ADGRA3: variants seen among roughly 807,000 people sequenced by gnomAD.
The protein encoded by ADGRA3 is adhesion G protein-coupled receptor A3.
In ADGRA3, 56 loss-of-function variants were observed where a neutral mutation model predicts 119.8. The ratio of observed to expected loss-of-function variants is 0.47; its 90% CI spans 0.38 to 0.58. The LOEUF (loss-of-function observed/expected upper bound fraction) is 0.58, where lower values mean the gene tolerates loss of function less well. Ranked by LOEUF, ADGRA3 falls within the 20% of genes least tolerant of loss-of-function variation. ADGRA3 has a pLI of 0.00. For missense variants in ADGRA3, 1,516 were observed against 1,649.0 expected (o/e 0.92, Z 1.40); for synonymous variants, 607 against 623.8 (o/e 0.97, Z 0.40).
At chr4:22,503,707 CTG>C (rs1719134080) in intron 1 of ADGRA3, among the ~76,000 whole-genome samples, 1 of 152,104 alleles carries the variant, frequency 6.6e-6, no homozygotes, top group African/African-American at 2.4e-5. Context: ...TGTATTCTAA[CTG>C]AGAAATGTCC....
chr4:22,411,359 G>A (rs114426715), intron 14 of ADGRA3, among the ~76,000 whole-genome samples: 5,599 of 152,186 alleles, frequency 0.037, 284 homozygotes, highest in African/African-American at 0.11. Context: ...AGCACTTTCC[G>A]AGCTTGAGGC....
At position 22,421,007 on chromosome 4, in the gene ADGRA3, A is replaced by G. The variant is rs1371776203; in HGVS notation, c.1688T>C (p.Val563Ala). 2.5e-6 allele frequency: 4 copies of G among 1,614,110 alleles called. No individual in the cohort carries two copies. Among genetic ancestry groups the G allele is most frequent in the East Asian group, 2.2e-5 (1 of 44,874 alleles). ...TGMTCTVFQK[V>A]AASDRTGLSD... The stretch of plus-strand genomic sequence containing the variant: ...AAGTCCTGTACGATCAGAGGCTGCC[A>G]CTTTCTGGAACACGGTACAGGTCAT... The change falls in exon 12 of 19, where the codon GTG becomes GCG. Residue 563 changes from valine to alanine, a missense_variant. This residue lies in a region of ADGRA3 where 1,088 missense variants were observed against 1,107.1 expected (regional missense o/e 0.98). Coordinates refer to ENST00000334304, the MANE Select transcript of ADGRA3 (RefSeq NM_145290.4).
intron 11 of ADGRA3, among the ~76,000 whole-genome samples, chr4:22,423,108 C>T (rs964065959): frequency 6.6e-6 from 1 of 151,930 alleles, no homozygotes; most frequent in Non-Finnish European, 1.5e-5. Context: ...AGGCATGATA[C>T]TGCTTGAACA....
intron 1 of ADGRA3, among the ~76,000 whole-genome samples, chr4:22,486,301 T>C (rs1718431305): frequency 6.6e-6 from 1 of 152,170 alleles, no homozygotes; most frequent in African/African-American, 2.4e-5. Flanking sequence ...AAAGGGGTCA[T>C]TTCCTAAAAG....
chr4:22,499,907 C>A (rs1189167561), intron 1 of ADGRA3, among the ~76,000 whole-genome samples: 4 of 152,174 alleles, frequency 2.6e-5, no homozygotes, highest in Non-Finnish European at 4.4e-5. Context: ...TTCTAAATGT[C>A]TGGGACCAAA....
intron 1 of ADGRA3, among the ~76,000 whole-genome samples, chr4:22,497,695 C>T (rs1718887245): frequency 7.0e-6 from 1 of 142,188 alleles, no homozygotes; most frequent in Non-Finnish European, 1.5e-5. Flanking sequence ...TGGTGGCGGG[C>T]GCCTATAATC....
At chr4:22,406,462 T>C (rs1395706657) in intron 14 of ADGRA3, among the ~76,000 whole-genome samples, 1 of 152,182 alleles carries the variant, frequency 6.6e-6, no homozygotes, top group African/African-American at 2.4e-5. Flanking sequence ...AGTTCTCTTC[T>C]CCACATTCTG....
At chr4:22,514,164 G>A (rs1326585973) in intron 1 of ADGRA3, among the ~76,000 whole-genome samples, 2 of 152,094 alleles carry the variant, frequency 1.3e-5, no homozygotes, top group Non-Finnish European at 2.9e-5. Flanking sequence ...TTTTTGCAGA[G>A]TAACAAAGAA....
chr4:22,415,994 AG>A (rs1715415955), intron 12 of ADGRA3, among the ~76,000 whole-genome samples: 1 of 152,196 alleles, frequency 6.6e-6, no homozygotes, highest in African/African-American at 2.4e-5. Flanking sequence ...CCTGAGATAT[AG>A]AGAGTGGCCT....
chr4:22,445,764 A>T (rs2109078464), intron 5 of ADGRA3, among the ~76,000 whole-genome samples: 1 of 152,342 alleles, frequency 6.6e-6, no homozygotes, highest in Non-Finnish European at 1.5e-5. Flanking sequence ...AAAAGCATAC[A>T]AATAAGAATA....
intron 16 of ADGRA3, among the ~76,000 whole-genome samples, chr4:22,400,551 AG>A (rs1329013925): frequency 1.3e-5 from 2 of 152,154 alleles, no homozygotes; most frequent in Non-Finnish European, 2.9e-5. Context: ...AGAAGAAAAA[AG>A]GGGTCGTTGT....
intron 17 of ADGRA3, among the ~76,000 whole-genome samples, chr4:22,390,970 C>A (rs560922390): frequency 2.0e-5 from 3 of 152,058 alleles, no homozygotes; most frequent in African/African-American, 7.2e-5. Context: ...TCTGGGGCCA[C>A]GGAGCACCCC....
At chr4:22,495,520 AG>A (rs1718785739) in intron 1 of ADGRA3, among the ~76,000 whole-genome samples, 1 of 152,102 alleles carries the variant, frequency 6.6e-6, no homozygotes, top group Non-Finnish European at 1.5e-5. Flanking sequence ...TAGACAAAAA[AG>A]GAAAACAAAC....
intron 1 of ADGRA3, among the ~76,000 whole-genome samples, chr4:22,492,376 A>C (rs189059992): frequency 7.4e-4 from 112 of 152,306 alleles, no homozygotes; most frequent in Admixed American, 1.6e-3. Context: ...ACTGTAACTC[A>C]CCGTTTTCCT....
At chr4:22,464,947 C>A (rs1042508423) in intron 2 of ADGRA3, among the ~76,000 whole-genome samples, 33 of 152,248 alleles carry the variant, frequency 2.2e-4, no homozygotes, top group African/African-American at 7.9e-4. Context: ...GAAAGCTCAC[C>A]TGGGGACCTG....
At chr4:22,474,509 A>G (rs1015574433) in intron 1 of ADGRA3, among the ~76,000 whole-genome samples, 4 of 152,138 alleles carry the variant, frequency 2.6e-5, no homozygotes, top group Admixed American at 2.6e-4. Flanking sequence ...CTGAGAAGAG[A>G]CTTCATATTA....
At chr4:22,479,241 A>G (rs1718163291) in intron 1 of ADGRA3, among the ~76,000 whole-genome samples, 1 of 152,156 alleles carries the variant, frequency 6.6e-6, no homozygotes, top group Admixed American at 6.5e-5. Flanking sequence ...AGGCGGGCGG[A>G]TCATGAGGTC....
At chr4:22,497,823 T>A (rs970939554) in intron 1 of ADGRA3, among the ~76,000 whole-genome samples, 1 of 142,446 alleles carries the variant, frequency 7.0e-6, no homozygotes, top group Admixed American at 7.0e-5. Flanking sequence ...CTCATGCCTA[T>A]AATCCCAGCG....
chr4:22,455,093 A>T (rs1024191753), intron 3 of ADGRA3, among the ~76,000 whole-genome samples, 156 bp from the exon 4 acceptor site: 3 of 152,222 alleles, frequency 2.0e-5, no homozygotes, highest in African/African-American at 4.8e-5. Context: ...TAAGGATAGC[A>T]GTGAGGCTGA....
Sources: allele counts gnomAD v4.1 joint callset (sites outside exome capture counted in the v4.1 genomes callset), GRCh38; gene constraint gnomAD v4.1.1; regional missense constraint gnomAD v4.1.1; transcripts MANE v1.5; gene names NCBI Gene and HGNC (gene_info 2026-07-23, HGNC 2026-07-21).